Variants in ELOVL5 observed in about 807,000 individuals in gnomAD.
ELOVL5 encodes the protein very long chain fatty acid elongase 5.
In ELOVL5, 8 loss-of-function variants were observed where a neutral mutation model predicts 38.6. The ratio of observed to expected loss-of-function variants is 0.21; its 90% CI spans 0.12 to 0.37. The LOEUF is 0.37. ELOVL5 is among the 10% of genes least tolerant of loss of function. ELOVL5 has a pLI of 1.00. For synonymous variants in ELOVL5, 127 were observed against 133.7 expected, an observed-to-expected ratio of 0.95 and a Z score of 0.34; for missense variants, 280 against 367.8, an observed-to-expected ratio of 0.76 and a Z score of 1.95.
chr6:53,325,607 A>C (rs1768509645), intron 1 of ELOVL5, among the ~76,000 whole-genome samples: 1 of 152,190 alleles, frequency 6.6e-6, no homozygotes, highest in South Asian at 2.1e-4. Context: ...TTTGCTCAGG[A>C]GGAAGATCCA....
At chr6:53,326,311 C>T (rs1490720059) in intron 1 of ELOVL5, among the ~76,000 whole-genome samples, 1 of 152,126 alleles carries the variant, frequency 6.6e-6, no homozygotes, top group African/African-American at 2.4e-5. Flanking sequence ...TTCTTTTTAA[C>T]CACCAAAATC....
Position 53,292,769 on chromosome 6 carries a change from C to G in ELOVL5, c.59-806G>C, listed in dbSNP as rs188684662. ...TCGTACCACTGCACCCCAGCGTGGGCAACAGAGTGAGACTCCGTCTCAAAA... is the reference window on the plus strand; with the variant it reads ...TCGTACCACTGCACCCCAGCGTGGGGAACAGAGTGAGACTCCGTCTCAAAA... On this transcript the variant is annotated intron_variant, in intron 2 of 7. Transcript: ENST00000304434. 1.4e-4 allele frequency among the ~76,000 whole-genome samples: 22 copies of G among 152,232 alleles called. No individual in the cohort carries two copies. In the East Asian group the frequency reaches 4.0e-3, roughly 28 times the overall value.
Position 53,295,670 on chromosome 6 carries a change from G to A in ELOVL5, c.30C>T (p.Thr10=), listed in dbSNP as rs774710889. MEHFDASLS[T]YFKALLGPRD... ...GAGGGCCTAGCAATGCCTTGAAATA[G>A]GTACTAAGTGATGCATCAAAATGTT... The change falls in exon 2 of 8, where the codon ACC becomes ACT. Residue 10 remains threonine (T), a synonymous_variant. Coordinates refer to ENST00000304434, the MANE Select transcript of ELOVL5 (RefSeq NM_021814.5). The A allele has an allele frequency of 1.6e-5, 25 of 1,596,986 alleles. No individual in the cohort carries two copies. Among genetic ancestry groups the A allele is most frequent in the Non-Finnish European group, 2.0e-5 (24 of 1,175,364 alleles).
chr6:53,305,382 C>T (rs1296673410), intron 1 of ELOVL5, among the ~76,000 whole-genome samples: 1 of 40,886 alleles, frequency 2.4e-5, no homozygotes, highest in African/African-American at 4.1e-4. Context: ...GGGGGCTGAC[C>T]CCCCCCCACC....
intron 1 of ELOVL5, among the ~76,000 whole-genome samples, chr6:53,345,276 A>G (rs1769488873): frequency 6.6e-6 from 1 of 152,210 alleles, no homozygotes; most frequent in Non-Finnish European, 1.5e-5. Context: ...GAAATGGAGC[A>G]AAAGTCCTGC....
intron 2 of ELOVL5, among the ~76,000 whole-genome samples, chr6:53,294,981 T>C (rs530006794): frequency 3.5e-4 from 54 of 152,372 alleles, no homozygotes; most frequent in Non-Finnish European, 6.8e-4. Context: ...ATAGGTGACA[T>C]GAAACCTATT....
intron 1 of ELOVL5, among the ~76,000 whole-genome samples, chr6:53,315,404 A>G (rs867420260): frequency 9.9e-5 from 15 of 152,242 alleles, no homozygotes; most frequent in Middle Eastern, 3.2e-3. Flanking sequence ...CCTTCGGTCC[A>G]TAACAGAGAA....
In ELOVL5 at chr6:53,307,830, C is replaced by T. The variant is rs530999725; in HGVS notation, c.-8-12123G>A. Among the ~76,000 whole-genome samples the T allele has an allele frequency of 4.9e-4, 75 of 151,772 alleles. 1 individual carries two copies. In the South Asian group the frequency reaches 7.5e-3, roughly 15 times the overall value. ...CATCTGATAAGCCTTTTTTTTTGTA[C>T]TCCTGGCAACTAGCATATGATAGAT... On this transcript the variant is annotated intron_variant, in intron 1 of 7. Coordinates refer to ENST00000304434, the MANE Select transcript of ELOVL5 (RefSeq NM_021814.5).
At chr6:53,309,539 G>C (rs9370193) in intron 1 of ELOVL5, among the ~76,000 whole-genome samples, 49,809 of 152,016 alleles carry the variant, frequency 0.33, 8,521 homozygotes, top group African/African-American at 0.43. Context: ...CAGAGTCTAA[G>C]ATGCCCCCAA....
chr6:53,319,197 G>A (rs1019060171), intron 1 of ELOVL5, among the ~76,000 whole-genome samples: 2 of 147,168 alleles, frequency 1.4e-5, no homozygotes, highest in African/African-American at 5.1e-5. Flanking sequence ...CGTGAACCCG[G>A]TAGGCGGAGC....
At chr6:53,302,394 C>T (rs1421733658) in intron 1 of ELOVL5, among the ~76,000 whole-genome samples, 2 of 152,302 alleles carry the variant, frequency 1.3e-5, no homozygotes, top group South Asian at 2.1e-4. Flanking sequence ...CCACTTGGCT[C>T]CCAAGGACAA....
intron 1 of ELOVL5, among the ~76,000 whole-genome samples, chr6:53,342,987 A>C (rs1256827598): frequency 6.6e-6 from 1 of 152,234 alleles, no homozygotes; most frequent in African/African-American, 2.4e-5. Flanking sequence ...CATGGAGCAA[A>C]CACGCCAGTG....
rs775930550 is a variant in ELOVL5, at chr6:53,291,772, T to G, written c.246+4A>C. On this transcript the variant is annotated splice_donor_region_variant and intron_variant, in intron 3 of 7. Transcript: ENST00000304434. ...AAGGAAGACTGTGTTAACCTTTGACTTACCTCACAGAACATATACAGAGAC... is the reference window on the plus strand; with the variant it reads ...AAGGAAGACTGTGTTAACCTTTGACGTACCTCACAGAACATATACAGAGAC... 1.9e-6 allele frequency: 3 copies of G among 1,604,140 alleles called. No individual in the cohort carries two copies. Among genetic ancestry groups the G allele is most frequent in the Non-Finnish European group, 2.6e-6 (3 of 1,174,956 alleles).
chr6:53,341,981 G>A (rs1769351834), intron 1 of ELOVL5, among the ~76,000 whole-genome samples: 1 of 152,146 alleles, frequency 6.6e-6, no homozygotes, highest in Non-Finnish European at 1.5e-5. Flanking sequence ...GCTGTTAAGT[G>A]GCAGAGGTGG....
chr6:53,268,923 A>C lies in ELOVL5; in HGVS notation c.*204T>G. On this transcript the variant is annotated 3_prime_UTR_variant, in exon 8 of 8. Transcript: ENST00000304434. ...CCACAGTCTAGCGCAGGGGTCAGAGAGCCCAGAAATGTTAGAAATCTTATC... is the reference window on the plus strand; with the variant it reads ...CCACAGTCTAGCGCAGGGGTCAGAGCGCCCAGAAATGTTAGAAATCTTATC... The C allele has an allele frequency of 1.8e-6, 1 of 540,604 alleles. No individual in the cohort carries two copies. The highest frequency in any genetic ancestry group is 3.2e-6 in the Non-Finnish European group (1 of 311,492). 33.5% of individuals were successfully genotyped at this position (540,604 alleles called of 1,614,324 possible). A position where few individuals can be genotyped will look rare whatever the true frequency, so the allele number is the denominator to read the frequency against.
chr6:53,274,641 T>G (rs2127567041), intron 5 of ELOVL5, among the ~76,000 whole-genome samples: 1 of 152,336 alleles, frequency 6.6e-6, no homozygotes, highest in South Asian at 2.1e-4. Flanking sequence ...ATCACCATGC[T>G]TCAGGGAATA....
chr6:53,325,750 G>C (rs1250135202), intron 1 of ELOVL5, among the ~76,000 whole-genome samples: 1 of 152,210 alleles, frequency 6.6e-6, no homozygotes, highest in Non-Finnish European at 1.5e-5. Context: ...GTGGAGGCAG[G>C]AGTGGGCTGC....
intron 1 of ELOVL5, among the ~76,000 whole-genome samples, chr6:53,325,373 T>C (rs1354054531): frequency 1.3e-5 from 2 of 151,862 alleles, no homozygotes; most frequent in African/African-American, 4.8e-5. Flanking sequence ...CAAATGTCAT[T>C]TTTTAAAAAA....
At chr6:53,292,003 CACA>C (rs1257537511) in intron 2 of ELOVL5, 40 bp from the exon 3 acceptor site, 3 of 1,304,956 alleles carry the variant, frequency 2.3e-6, no homozygotes, top group African/African-American at 1.5e-5. Flanking sequence ...TAAAAACATT[CACA>C]ACTTTTCAAA....
Sources: gnomAD v4.1 joint callset for allele counts (sites outside exome capture counted in the v4.1 genomes callset) on GRCh38, gnomAD v4.1.1 for gene constraint, MANE v1.5 for transcripts, NCBI Gene and HGNC (gene_info 2026-07-23, HGNC 2026-07-21) for gene names.